Variants in SLC25A43 observed in about 807,000 individuals in gnomAD.
SLC25A43 encodes solute carrier family 25, member 43.
A neutral mutation model predicts 22.8 loss-of-function variants in SLC25A43; 10 were observed. The observed-to-expected ratio is 0.44, with a 90% confidence interval of 0.27 to 0.74. SLC25A43 has a LOEUF of 0.74. Ranked by LOEUF, SLC25A43 falls within the 30% of genes least tolerant of loss-of-function variation. The pLI, the probability that SLC25A43 is intolerant of heterozygous loss-of-function variation, is 0.17. For synonymous variants in SLC25A43, 106 were observed against 121.6 expected, an observed-to-expected ratio of 0.87 and a Z score of 0.84; for missense variants, 233 against 279.1, an observed-to-expected ratio of 0.83 and a Z score of 1.18.
At chrX:119,426,124 C>T (rs2052501722) in intron 3 of SLC25A43, 11 of 579,804 alleles carry the variant, frequency 1.9e-5, no homozygotes, top group Non-Finnish European at 2.1e-5. Context: ...AGGGAGGACC[C>T]GCAGCTGGCT....
intron 3 of SLC25A43, among the ~76,000 whole-genome samples, chrX:119,443,815 G>A (rs928777531): frequency 9.2e-6 from 1 of 108,720 alleles, no homozygotes; most frequent in Non-Finnish European, 1.9e-5. Flanking sequence ...GTGCAATCTC[G>A]GCTCACTGCA....
chrX:119,448,389 C>G (rs146790156), intron 3 of SLC25A43, among the ~76,000 whole-genome samples: 1,134 of 111,695 alleles, frequency 0.01, 6 homozygotes, highest in Middle Eastern at 0.018. Flanking sequence ...CATAACCCCC[C>G]CCAGTGACCA....
At chrX:119,410,454 G>A in intron 3 of SLC25A43, 92 bp downstream of exon 3, 5 of 979,627 alleles carry the variant, frequency 5.1e-6, no homozygotes, top group Non-Finnish European at 7.1e-6. Flanking sequence ...CCCAAGTGAT[G>A]CCAGGTTTCC....
chrX:119,407,265 G>A (rs769980705), intron 2 of SLC25A43, among the ~76,000 whole-genome samples: 1 of 111,146 alleles, frequency 9.0e-6, no homozygotes, highest in South Asian at 3.8e-4. Flanking sequence ...CATCTGGGTC[G>A]TCTGATACTG....
intron 3 of SLC25A43, among the ~76,000 whole-genome samples, chrX:119,414,472 C>T (rs2052381167): frequency 9.1e-6 from 1 of 110,255 alleles, no homozygotes; most frequent in African/African-American, 3.3e-5. Flanking sequence ...AGCATTTCTC[C>T]TGCCTCAGCC....
At chrX:119,424,867 A>G (rs983084744) in intron 3 of SLC25A43, among the ~76,000 whole-genome samples, 3 of 112,181 alleles carry the variant, frequency 2.7e-5, no homozygotes, top group Non-Finnish European at 3.8e-5. Context: ...GCTTTCTTCC[A>G]TCTCTTTTAA....
chrX:119,443,873 C>T (rs1299355060), intron 3 of SLC25A43, among the ~76,000 whole-genome samples: 3 of 109,427 alleles, frequency 2.7e-5, no homozygotes, highest in African/African-American at 1.0e-4. Flanking sequence ...AGGATCTACT[C>T]CCTCCTGAGT....
At chrX:119,444,501 CGA>C (rs2052648561) in intron 3 of SLC25A43, among the ~76,000 whole-genome samples, 1 of 103,934 alleles carries the variant, frequency 9.6e-6, no homozygotes, top group Admixed American at 1.1e-4. Context: ...GTCGAGAGAT[CGA>C]GATCACCCTG....
chrX:119,417,495 G>C (rs1326159692), intron 3 of SLC25A43, among the ~76,000 whole-genome samples: 2 of 108,606 alleles, frequency 1.8e-5, no homozygotes, highest in African/African-American at 6.8e-5. Context: ...GACGGGTAAG[G>C]GTCCCAGTCT....
chrX:119,441,474 C>T lies in SLC25A43; in HGVS notation c.691-10535C>T, dbSNP rs182692331. ...GCTGTAGACCGGAGCTGTTCCTATT[C>T]GGCCATCTTGGCTCCTCCCGCTTTG... On this transcript the variant is annotated intron_variant, in intron 3 of 4. Transcript: ENST00000217909. 2.0e-3 allele frequency among the ~76,000 whole-genome samples: 224 copies of T among 110,381 alleles called. 2 individuals are homozygous for T. Among genetic ancestry groups the T allele is most frequent in the African/African-American group, 7.2e-3 (219 of 30,367 alleles).
chrX:119,411,500 CAA>C (rs776366223), intron 3 of SLC25A43, among the ~76,000 whole-genome samples: 13 of 52,508 alleles, frequency 2.5e-4, no homozygotes, highest in Admixed American at 4.6e-4. Flanking sequence ...AACTCTGTCT[CAA>C]AAAAAAAAAA....
At chrX:119,424,535 A>G (rs1039414813) in intron 3 of SLC25A43, among the ~76,000 whole-genome samples, 1 of 111,080 alleles carries the variant, frequency 9.0e-6, no homozygotes, top group East Asian at 2.8e-4. Flanking sequence ...TTTTGACTTT[A>G]GTTCCCTTGC....
chrX:119,443,411 G>A (rs954141179), intron 3 of SLC25A43, among the ~76,000 whole-genome samples: 114 of 105,795 alleles, frequency 1.1e-3, no homozygotes, highest in African/African-American at 3.5e-3. Flanking sequence ...GTGAGCCACC[G>A]CGCCCAGCCC....
intron 4 of SLC25A43, among the ~76,000 whole-genome samples, chrX:119,452,647 C>T (rs1291632232): frequency 2.7e-5 from 3 of 111,665 alleles, no homozygotes; most frequent in Non-Finnish European, 3.8e-5. Flanking sequence ...GCCTCCCAGG[C>T]AGGTCATGCC....
intron 1 of SLC25A43, among the ~76,000 whole-genome samples, chrX:119,403,842 C>A (rs1173635936): frequency 9.1e-6 from 1 of 110,120 alleles, no homozygotes; most frequent in Non-Finnish European, 1.9e-5. Context: ...TGTGGGGAAC[C>A]CCACACTCTG....
At chrX:119,443,019 A>G (rs2052633549) in intron 3 of SLC25A43, among the ~76,000 whole-genome samples, 1 of 111,666 alleles carries the variant, frequency 9.0e-6, no homozygotes, top group South Asian at 3.7e-4. Flanking sequence ...AGACATGTAA[A>G]TTGGACATGA....
At chrX:119,451,552 G>A (rs60169687) in intron 3 of SLC25A43, among the ~76,000 whole-genome samples, 1,135 of 111,924 alleles carry the variant, frequency 0.01, 18 homozygotes, top group African/African-American at 0.034. Flanking sequence ...AACAGAGAGC[G>A]AGAAGAATGC....
intron 3 of SLC25A43, among the ~76,000 whole-genome samples, chrX:119,418,426 G>A (rs779295286): frequency 8.9e-6 from 1 of 111,810 alleles, no homozygotes; most frequent in South Asian, 3.8e-4. Context: ...GCAAATCAAT[G>A]GCAGGTGTCT....
At chrX:119,447,145 G>A (rs2052674821) in intron 3 of SLC25A43, among the ~76,000 whole-genome samples, 1 of 110,959 alleles carries the variant, frequency 9.0e-6, no homozygotes, top group Admixed American at 9.6e-5. Flanking sequence ...GCAGAGACAG[G>A]GTTTTGCCAT....
Sources: allele counts gnomAD v4.1 joint callset (sites outside exome capture counted in the v4.1 genomes callset), GRCh38; gene constraint gnomAD v4.1.1; transcripts MANE v1.5; gene names NCBI Gene and HGNC (gene_info 2026-07-23, HGNC 2026-07-21).